MARCHF6: variants seen among roughly 807,000 people sequenced by gnomAD.
MARCHF6 encodes E3 ubiquitin-protein ligase MARCHF6.
MARCHF6 carries 31 observed loss-of-function variants against 133.7 expected under a neutral mutation model. The observed-to-expected ratio is 0.23, with a 90% confidence interval of 0.17 to 0.31. The LOEUF (loss-of-function observed/expected upper bound fraction) is 0.31, where lower values mean the gene tolerates loss of function less well. Among genes scored for constraint, MARCHF6 ranks in the 10% least tolerant of loss-of-function variants. The probability of loss-of-function intolerance (pLI) is 1.00; values close to 1 mark genes in which losing one functional copy is unlikely to be tolerated. For missense variants in MARCHF6, 723 were observed against 1,121.6 expected, an observed-to-expected ratio of 0.64 and a Z score of 5.08; for synonymous variants, 395 against 402.5, an observed-to-expected ratio of 0.98 and a Z score of 0.22.
At chr5:10,358,869 C>A (rs567920644) in intron 1 of MARCHF6, among the ~76,000 whole-genome samples, 1 of 152,222 alleles carries the variant, frequency 6.6e-6, no homozygotes, top group Admixed American at 6.5e-5. Context: ...AAAACTTACA[C>A]ACACAAACAT....
chr5:10,367,320 C>A (rs528548719), intron 1 of MARCHF6, among the ~76,000 whole-genome samples: 2 of 152,268 alleles, frequency 1.3e-5, no homozygotes, highest in East Asian at 3.9e-4. Flanking sequence ...TTAAGTGTAA[C>A]AAAAGTGTAA....
At chr5:10,429,395 C>CTTT (rs571345405) in intron 24 of MARCHF6, among the ~76,000 whole-genome samples, 1 of 134,588 alleles carries the variant, frequency 7.4e-6, no homozygotes, top group African/African-American at 2.7e-5. Context: ...CGTCCAGTTC[C>CTTT]TTTTTTTTTT....
chr5:10,398,609 A>C (rs1184527022), intron 10 of MARCHF6, among the ~76,000 whole-genome samples: 2 of 151,972 alleles, frequency 1.3e-5, no homozygotes, highest in Admixed American at 6.6e-5. Context: ...GAGAGAAAAA[A>C]TGATCTATAG....
chr5:10,383,224 A>G (rs1045060884), intron 4 of MARCHF6, among the ~76,000 whole-genome samples: 6 of 152,230 alleles, frequency 3.9e-5, no homozygotes, highest in African/African-American at 1.4e-4. Context: ...CCCAGGATGA[A>G]ACTCAGAGGG....
At chr5:10,369,924 G>A (rs546957832) in intron 1 of MARCHF6, among the ~76,000 whole-genome samples, 2 of 151,882 alleles carry the variant, frequency 1.3e-5, no homozygotes, top group Admixed American at 1.3e-4. Context: ...TAGTTTTGGG[G>A]AATTAAGGAT....
chr5:10,409,002 G>A (rs891911834), intron 17 of MARCHF6, among the ~76,000 whole-genome samples: 10 of 151,626 alleles, frequency 6.6e-5, no homozygotes, highest in Non-Finnish European at 1.3e-4. Context: ...AAAATATTTT[G>A]TGGAGACAGG....
At position 10,402,887 on chromosome 5, in the gene MARCHF6, C is replaced by T. The variant is rs192047274; in HGVS notation, c.1197+280C>T. Among the ~76,000 whole-genome samples, 163 of 151,974 alleles carry T rather than the reference C, an allele frequency of 1.1e-3. 3 individuals carry two copies. The highest frequency in any genetic ancestry group is 2.0e-3 in the Non-Finnish European group (134 of 67,982). ...CTGTCGTAAATTTGTGTAGATAATG[C>T]CAAGACATTATATACATAGAGAATA... On this transcript the variant is annotated intron_variant, in intron 14 of 25. Transcript: ENST00000274140.
intron 1 of MARCHF6, among the ~76,000 whole-genome samples, chr5:10,357,752 G>A (rs766734625): frequency 1.3e-5 from 2 of 152,130 alleles, no homozygotes; most frequent in Admixed American, 6.5e-5. Context: ...GTTTACTGAG[G>A]ACCTGTTATG....
intron 5 of MARCHF6, among the ~76,000 whole-genome samples, chr5:10,390,068 T>A (rs951372651): frequency 2.0e-5 from 3 of 152,202 alleles, no homozygotes; most frequent in Non-Finnish European, 4.4e-5. Context: ...GTAATTTCCA[T>A]ATAGTTCTGA....
chr5:10,406,027 C>T (rs1183787545), intron 16 of MARCHF6, among the ~76,000 whole-genome samples: 1 of 152,180 alleles, frequency 6.6e-6, no homozygotes, highest in Admixed American at 6.5e-5. Flanking sequence ...ACCTGAGCTC[C>T]ACCTCCTGTC....
At position 10,435,661 on chromosome 5, in the gene MARCHF6, A is replaced by AC. The variant is rs1299531327; in HGVS notation, c.*1977_*1978insC. 0.025 allele frequency: 149 copies of AC among 5,946 alleles called. 8 individuals are homozygous for AC. Among genetic ancestry groups the AC allele is most frequent in the African/African-American group, 0.14 (128 of 904 alleles). 0.4% of individuals were successfully genotyped at this position (5,946 alleles called of 1,614,324 possible). A position where few individuals can be genotyped will look rare whatever the true frequency, so the allele number is the denominator to read the frequency against. On this transcript the variant is annotated 3_prime_UTR_variant, in exon 26 of 26. Coordinates refer to ENST00000274140, the MANE Select transcript of MARCHF6 (RefSeq NM_005885.4). ...TAACTATATATATATATATATATAT[A>AC]TATATATATATATATATATATATAT...
intron 22 of MARCHF6, among the ~76,000 whole-genome samples, chr5:10,418,191 C>T (rs558115139): frequency 4.6e-5 from 7 of 152,018 alleles, no homozygotes; most frequent in Non-Finnish European, 1.0e-4. Context: ...CTAGCCTGGA[C>T]AACATGGTGA....
At chr5:10,374,869 T>C (rs1736676351) in intron 1 of MARCHF6, among the ~76,000 whole-genome samples, 1 of 152,216 alleles carries the variant, frequency 6.6e-6, no homozygotes, top group South Asian at 2.1e-4. Context: ...CAGCTTAATT[T>C]GACTGAACAT....
At chr5:10,428,921 C>T (rs1740229188) in intron 24 of MARCHF6, among the ~76,000 whole-genome samples, 1 of 151,966 alleles carries the variant, frequency 6.6e-6, no homozygotes, top group Non-Finnish European at 1.5e-5. Context: ...ACCTGTTTTG[C>T]CCTGTTTAGA....
At position 10,397,455 on chromosome 5, in the gene MARCHF6, G is replaced by A. The variant is rs1470790996; in HGVS notation, c.913+111G>A. On this transcript the variant is annotated intron_variant, in intron 10 of 25. Transcript: ENST00000274140. Reference sequence around the variant, plus strand: ...TTTTTAACATAGAAATAAATACTAAGCAGTATATGAAAATAGTTTCAGATA... The same window carrying A: ...TTTTTAACATAGAAATAAATACTAAACAGTATATGAAAATAGTTTCAGATA... 3.9e-6 allele frequency: 3 copies of A among 771,500 alleles called. No individual in the cohort carries two copies. In the East Asian group the frequency reaches 8.5e-5, roughly 22 times the overall value. 47.8% of individuals were successfully genotyped at this position (771,500 alleles called of 1,614,324 possible). A position where few individuals can be genotyped will look rare whatever the true frequency, so the allele number is the denominator to read the frequency against.
intron 1 of MARCHF6, among the ~76,000 whole-genome samples, chr5:10,359,929 G>A (rs1045687677): frequency 6.6e-6 from 1 of 151,876 alleles, no homozygotes; most frequent in Non-Finnish European, 1.5e-5. Context: ...TGGCGTGAAC[G>A]TGGGAGGCGG....
At chr5:10,357,058 T>C (rs1735515883) in intron 1 of MARCHF6, among the ~76,000 whole-genome samples, 1 of 152,196 alleles carries the variant, frequency 6.6e-6, no homozygotes, top group South Asian at 2.1e-4. Context: ...AGATGTGTTA[T>C]GTCAACTGCT....
chr5:10,353,978 C>T, intron 1 of MARCHF6, 61 bp downstream of exon 1: 1 of 1,502,294 alleles, frequency 6.7e-7, no homozygotes, highest in Admixed American at 2.1e-5. Flanking sequence ...GTACCCCGGC[C>T]AGGTCCGCGG....
Position 10,353,840 on chromosome 5 carries a change from C to A in MARCHF6, c.-59C>A. ...GGCTCCCTCCTCCTCTCCCCTCCCT[C>A]TTTCCCCGCCCGGCCGCGGGAGCCT... On this transcript the variant is annotated 5_prime_UTR_variant, in exon 1 of 26. Coordinates refer to ENST00000274140, the MANE Select transcript of MARCHF6 (RefSeq NM_005885.4). The A allele has an allele frequency of 6.6e-7, 1 of 1,523,222 alleles. No individual in the cohort carries two copies. 94.4% of individuals were successfully genotyped at this position (1,523,222 alleles called of 1,614,324 possible).
Sources: allele counts gnomAD v4.1 joint callset (sites outside exome capture counted in the v4.1 genomes callset), GRCh38; gene constraint gnomAD v4.1.1; transcripts MANE v1.5; gene names NCBI Gene and HGNC (gene_info 2026-07-23, HGNC 2026-07-21).